Variants in DCC observed in about 807,000 individuals in gnomAD.
The protein encoded by DCC is netrin receptor DCC.
Under a neutral mutation model 172.5 loss-of-function variants are expected in DCC, and 58 were observed. The observed-to-expected ratio is 0.34, with a 90% confidence interval of 0.27 to 0.42. DCC has a LOEUF of 0.42. Among genes scored for constraint, DCC ranks in the 10% least tolerant of loss-of-function variants. The pLI, the probability that DCC is intolerant of heterozygous loss-of-function variation, is 1.00. For missense variants in DCC, 1,740 were observed against 1,791.0 expected, an observed-to-expected ratio of 0.97 and a Z score of 0.51; for synonymous variants, 709 against 644.5, an observed-to-expected ratio of 1.10 and a Z score of -1.52.
At chr18:52,630,219 G>A (rs2034649552) in intron 1 of DCC, among the ~76,000 whole-genome samples, 1 of 152,152 alleles carries the variant, frequency 6.6e-6, no homozygotes, top group South Asian at 2.1e-4. Context: ...TGTCAGTCGT[G>A]ATTGAAAGAA....
chr18:53,248,274 GC>G (rs1238399071), intron 12 of DCC, among the ~76,000 whole-genome samples: 1 of 151,894 alleles, frequency 6.6e-6, no homozygotes, highest in Non-Finnish European at 1.5e-5. Flanking sequence ...TCAGAGATGG[GC>G]CCAGATTAAT....
intron 28 of DCC, among the ~76,000 whole-genome samples, chr18:53,528,379 A>C (rs754185947): frequency 1.3e-5 from 2 of 152,162 alleles, no homozygotes; most frequent in African/African-American, 2.4e-5. Context: ...TTTGTGCGTT[A>C]GAATATAGCT....
intron 15 of DCC, among the ~76,000 whole-genome samples, chr18:53,350,676 A>T (rs918736220): frequency 2.6e-5 from 4 of 152,084 alleles, no homozygotes; most frequent in Admixed American, 2.6e-4. Context: ...GTATCATGGT[A>T]TCAGAGGGTT....
At chr18:52,709,107 C>T (rs978104485) in intron 1 of DCC, among the ~76,000 whole-genome samples, 11 of 152,238 alleles carry the variant, frequency 7.2e-5, no homozygotes, top group South Asian at 4.1e-4. Flanking sequence ...TTGTGAAACA[C>T]GGAGGGGCAC....
intron 9 of DCC, among the ~76,000 whole-genome samples, chr18:53,195,634 C>G (rs149044730): frequency 6.1e-5 from 9 of 148,154 alleles, no homozygotes; most frequent in African/African-American, 2.2e-4. Flanking sequence ...CTTGTAAGTT[C>G]TGTTCTGGAA....
chr18:52,525,639 A>G (rs1145267), intron 1 of DCC, among the ~76,000 whole-genome samples: 151,057 of 152,314 alleles, frequency 0.99, 74,921 homozygotes, highest in Middle Eastern at 1. Context: ...ACCTAATAGA[A>G]TATAACTAGG....
At chr18:52,969,159 G>A (rs1417682015) in intron 5 of DCC, among the ~76,000 whole-genome samples, 1 of 151,842 alleles carries the variant, frequency 6.6e-6, no homozygotes, top group African/African-American at 2.4e-5. Flanking sequence ...TCCCTTTCTT[G>A]GTTTTTACTG....
chr18:52,621,857 G>T (rs2034486508), intron 1 of DCC, among the ~76,000 whole-genome samples: 1 of 152,140 alleles, frequency 6.6e-6, no homozygotes, highest in Admixed American at 6.5e-5. Flanking sequence ...TTCATTTTAT[G>T]TTACTTGCTT....
In DCC at chr18:53,100,686, C is replaced by T. The variant is rs548362601; in HGVS notation, c.1261+34520C>T. Among the ~76,000 whole-genome samples the T allele has an allele frequency of 8.6e-5, 13 of 151,818 alleles. No individual in the cohort carries two copies. The East Asian group carries it at 1.9e-3, about 23-fold the overall frequency. On this transcript the variant is annotated intron_variant, in intron 7 of 28. Transcript: ENST00000442544. ...CGGAGGGAGGGAGAGAAAGAAACAC[C>T]GAGCTACCTGTGTAGCAGAGGTCTC...
chr18:53,292,596 G>A (rs2057018633), intron 12 of DCC, among the ~76,000 whole-genome samples: 2 of 152,206 alleles, frequency 1.3e-5, no homozygotes, highest in Admixed American at 1.3e-4. Flanking sequence ...GGCTGAGGCA[G>A]GAGAATCACT....
chr18:52,579,396 C>A (rs2033491689), intron 1 of DCC, among the ~76,000 whole-genome samples: 1 of 152,146 alleles, frequency 6.6e-6, no homozygotes, highest in South Asian at 2.1e-4. Context: ...ACTCTTATTT[C>A]AAATATGATT....
At chr18:52,741,753 C>T (rs181289001) in intron 1 of DCC, among the ~76,000 whole-genome samples, 2 of 152,120 alleles carry the variant, frequency 1.3e-5, no homozygotes, top group South Asian at 2.1e-4. Context: ...TTCACTCCAA[C>T]CCAGCTATTC....
intron 5 of DCC, among the ~76,000 whole-genome samples, chr18:52,997,447 A>G (rs571351088): frequency 4.8e-4 from 73 of 152,260 alleles, no homozygotes; most frequent in African/African-American, 1.8e-3. Flanking sequence ...GAAGTGTAAT[A>G]GACACATAAA....
chr18:53,251,072 C>T (rs1233619060), intron 12 of DCC, among the ~76,000 whole-genome samples: 1 of 151,910 alleles, frequency 6.6e-6, no homozygotes. Context: ...CTTATAGTTC[C>T]CTTAAATGGA....
chr18:52,459,932 C>T (rs1057193958), intron 1 of DCC, among the ~76,000 whole-genome samples: 8 of 151,686 alleles, frequency 5.3e-5, no homozygotes, highest in Non-Finnish European at 1.5e-5. Flanking sequence ...TATATATACA[C>T]ACCACATTTT....
intron 25 of DCC, 141 bp from the exon 26 acceptor site, chr18:53,486,656 A>G (rs546936538): frequency 2.8e-4 from 292 of 1,050,296 alleles, no homozygotes; most frequent in Non-Finnish European, 3.9e-4. Flanking sequence ...GGATTGGTGG[A>G]GAGAGGTAAG....
intron 23 of DCC, among the ~76,000 whole-genome samples, chr18:53,450,909 C>A (rs1057510417): frequency 6.6e-6 from 1 of 152,052 alleles, no homozygotes; most frequent in Non-Finnish European, 1.5e-5. Context: ...CTTCTCTGAC[C>A]CCTTCTCATT....
intron 2 of DCC, among the ~76,000 whole-genome samples, chr18:52,799,174 C>T (rs1402735507): frequency 6.6e-6 from 1 of 152,220 alleles, no homozygotes; most frequent in African/African-American, 2.4e-5. Flanking sequence ...TAGAAGCCAT[C>T]TAATCCGTGG....
intron 1 of DCC, among the ~76,000 whole-genome samples, chr18:52,661,468 C>T (rs563575235): frequency 2.0e-5 from 3 of 152,274 alleles, no homozygotes; most frequent in Admixed American, 2.0e-4. Flanking sequence ...GAAAGGCAGG[C>T]AAACTGGTTG....
Sources: gnomAD v4.1 joint callset for allele counts (sites outside exome capture counted in the v4.1 genomes callset) on GRCh38, gnomAD v4.1.1 for gene constraint, MANE v1.5 for transcripts, NCBI Gene and HGNC (gene_info 2026-07-23, HGNC 2026-07-21) for gene names.